The following PLXNA4 variants were observed in gnomAD, a reference collection of about 807,000 sequenced individuals.
The protein encoded by PLXNA4 is plexin-A4.
A neutral mutation model predicts 191.8 loss-of-function variants in PLXNA4; 44 were observed. The observed-to-expected ratio is 0.23, with a 90% CI of 0.18 to 0.29. The LOEUF (loss-of-function observed/expected upper bound fraction) is 0.29, where lower values mean the gene tolerates loss of function less well. PLXNA4 is among the 10% of genes least tolerant of loss of function. The pLI is 1.00. For missense variants in PLXNA4, 1,800 were observed against 2,488.8 expected, an observed-to-expected ratio of 0.72 and a Z score of 5.89; for synonymous variants, 1,082 against 1,009.5, an observed-to-expected ratio of 1.07 and a Z score of -1.36.
intron 2 of PLXNA4, among the ~76,000 whole-genome samples, chr7:132,506,334 C>G (rs1798462153): frequency 6.6e-6 from 1 of 152,068 alleles, no homozygotes. Flanking sequence ...TTTAAACAAC[C>G]AAAATACATT....
intron 9 of PLXNA4, among the ~76,000 whole-genome samples, chr7:132,219,268 G>A (rs1798066720): frequency 6.6e-6 from 1 of 152,184 alleles, no homozygotes; most frequent in Non-Finnish European, 1.5e-5. Context: ...CTGAGGGTAT[G>A]GGTCACCCTG....
intron 1 of PLXNA4, among the ~76,000 whole-genome samples, chr7:132,527,458 C>T (rs1450629608): frequency 2.7e-5 from 4 of 147,862 alleles, no homozygotes; most frequent in African/African-American, 5.0e-5. Context: ...AGGCTAAATG[C>T]CTTTCTCCAC....
intron 3 of PLXNA4, among the ~76,000 whole-genome samples, chr7:132,337,397 A>C (rs1280503925): frequency 6.6e-6 from 1 of 152,248 alleles, no homozygotes; most frequent in Non-Finnish European, 1.5e-5. Context: ...GCATGCACAG[A>C]AATACATGGC....
intron 3 of PLXNA4, among the ~76,000 whole-genome samples, chr7:132,328,931 G>T (rs1473858120): frequency 6.6e-6 from 1 of 152,206 alleles, no homozygotes; most frequent in Non-Finnish European, 1.5e-5. Context: ...CTGGCCTCAG[G>T]TTCACAAGGT....
chr7:132,607,633 G>C lies in PLXNA4; in HGVS notation c.-87+38295C>G, dbSNP rs201263651. On this transcript the variant is annotated intron_variant, in intron 2 of 4. Transcript: ENST00000378539. ...TGTAAAGAAGATGTTCTCTGAGCCT[G>C]TGCCTTTTTGCAGCCTAGAAGTGCC... 2.6e-5 allele frequency among the ~76,000 whole-genome samples: 4 copies of C among 152,218 alleles called. No individual in the cohort carries two copies. In the East Asian group the frequency reaches 5.8e-4, roughly 22 times the overall value.
chr7:132,136,033 G>T (rs1004768414), intron 30 of PLXNA4, among the ~76,000 whole-genome samples: 2 of 152,122 alleles, frequency 1.3e-5, no homozygotes, highest in Non-Finnish European at 2.9e-5. Flanking sequence ...CCCTGTTTTT[G>T]ATCCTAAGCC....
At chr7:132,164,909 C>T (rs1796077607) in intron 23 of PLXNA4, among the ~76,000 whole-genome samples, 1 of 152,222 alleles carries the variant, frequency 6.6e-6, no homozygotes, top group African/African-American at 2.4e-5. Context: ...CTATCCCTTG[C>T]CCGGCAGTAG....
intron 12 of PLXNA4, 127 bp from the exon 13 acceptor site, chr7:132,198,763 C>A: frequency 7.1e-7 from 1 of 1,410,838 alleles, no homozygotes; most frequent in East Asian, 2.3e-5. Context: ...TTGAAGTCAC[C>A]AAGGGCACCC....
chr7:132,211,491 G>T (rs1212462339), intron 9 of PLXNA4, among the ~76,000 whole-genome samples: 1 of 152,190 alleles, frequency 6.6e-6, no homozygotes, highest in East Asian at 1.9e-4. Flanking sequence ...CTCCCACTGG[G>T]GACTGATGAT....
intron 3 of PLXNA4, among the ~76,000 whole-genome samples, chr7:132,425,923 C>T (rs566964404): frequency 1.7e-3 from 255 of 152,322 alleles, no homozygotes; most frequent in Middle Eastern, 6.8e-3. Flanking sequence ...GGGCCTCCTG[C>T]CCAGGCTCCC....
At chr7:132,549,962 G>A (rs1186414588) in intron 1 of PLXNA4, among the ~76,000 whole-genome samples, 1 of 152,162 alleles carries the variant, frequency 6.6e-6, no homozygotes, top group Non-Finnish European at 1.5e-5. Flanking sequence ...GCACAGGTGG[G>A]TGAGATCCTC....
chr7:132,202,105 A>C (rs892362873), intron 12 of PLXNA4, among the ~76,000 whole-genome samples: 2 of 152,118 alleles, frequency 1.3e-5, no homozygotes, highest in African/African-American at 4.8e-5. Context: ...TTGGCTCTTC[A>C]CCGTGTTCCT....
chr7:132,544,082 G>C (rs1800194244), intron 1 of PLXNA4, among the ~76,000 whole-genome samples: 1 of 152,150 alleles, frequency 6.6e-6, no homozygotes, highest in Non-Finnish European at 1.5e-5. Context: ...ACTGAGAGTG[G>C]GATTGAAAGA....
At chr7:132,209,257 C>T (rs946906189) in intron 10 of PLXNA4, among the ~76,000 whole-genome samples, 4 of 152,240 alleles carry the variant, frequency 2.6e-5, no homozygotes, top group African/African-American at 4.8e-5. Flanking sequence ...TATCCACCCT[C>T]CTGACATCCC....
At chr7:132,396,054 C>G (rs1194057802) in intron 3 of PLXNA4, among the ~76,000 whole-genome samples, 1 of 152,152 alleles carries the variant, frequency 6.6e-6, no homozygotes, top group Non-Finnish European at 1.5e-5. Context: ...CTGGGACACA[C>G]AGCTGAACAA....
At chr7:132,511,312 T>C (rs150539534) in intron 1 of PLXNA4, among the ~76,000 whole-genome samples, 2 of 152,284 alleles carry the variant, frequency 1.3e-5, no homozygotes, top group East Asian at 3.9e-4. Context: ...GAGGAAACTT[T>C]AGCTCTGCAA....
intron 2 of PLXNA4, among the ~76,000 whole-genome samples, chr7:132,585,135 A>G (rs557824969): frequency 6.6e-6 from 1 of 152,192 alleles, no homozygotes. Flanking sequence ...TTGGCCAGAG[A>G]ACTTCTGTTT....
intron 4 of PLXNA4, among the ~76,000 whole-genome samples, chr7:132,262,714 T>G (rs1298677762): frequency 6.6e-6 from 1 of 152,200 alleles, no homozygotes; most frequent in Non-Finnish European, 1.5e-5. Context: ...AGGCACCATC[T>G]GCTTTGGATG....
chr7:132,603,276 AGATTAAG>A (rs1232596671), intron 2 of PLXNA4, among the ~76,000 whole-genome samples: 5 of 106,222 alleles, frequency 4.7e-5, no homozygotes, highest in Non-Finnish European at 8.6e-5. Flanking sequence ...TGGACTGCAG[AGATTAAG>A]GTGGAATTAA....
Sources: allele counts gnomAD v4.1 joint callset (sites outside exome capture counted in the v4.1 genomes callset), GRCh38; gene constraint gnomAD v4.1.1; transcripts MANE v1.5; gene names NCBI Gene and HGNC (gene_info 2026-07-23, HGNC 2026-07-21).